Variants in EP400 observed in about 807,000 individuals in gnomAD.
EP400 encodes the protein E1A-binding protein p400.
A neutral mutation model predicts 354.1 loss-of-function variants in EP400; 105 were observed. That is an observed-to-expected ratio of 0.30 (90% CI 0.25 to 0.35). The LOEUF (loss-of-function observed/expected upper bound fraction) is 0.35, where lower values mean the gene tolerates loss of function less well. Among genes scored for constraint, EP400 ranks in the 10% least tolerant of loss-of-function variants. EP400 has a pLI of 1.00. For missense variants in EP400, 3,280 were observed against 4,121.0 expected, an observed-to-expected ratio of 0.80 and a Z score of 5.59; for synonymous variants, 1,646 against 1,716.9, an observed-to-expected ratio of 0.96 and a Z score of 1.02.
chr12:131,950,788 C>T (rs992534373), intron 1 of EP400, among the ~76,000 whole-genome samples: 1 of 152,242 alleles, frequency 6.6e-6, no homozygotes, highest in African/African-American at 2.4e-5. Flanking sequence ...GGGTCTCGCT[C>T]TGTTGCCCAG....
chr12:132,047,955 T>G (rs1418675515), intron 39 of EP400, among the ~76,000 whole-genome samples: 1 of 152,214 alleles, frequency 6.6e-6, no homozygotes, highest in African/African-American at 2.4e-5. Context: ...TTCAACGAAT[T>G]CAGCAATATT....
At position 131,990,231 on chromosome 12, in the gene EP400, C is replaced by T; in HGVS notation, c.2550+127C>T. The T allele has an allele frequency of 1.8e-6, 2 of 1,121,372 alleles. No homozygotes were observed. Among genetic ancestry groups the T allele is most frequent in the Non-Finnish European group, 2.5e-6 (2 of 788,110 alleles). 69.5% of individuals were successfully genotyped at this position (1,121,372 alleles called of 1,614,324 possible). A position where few individuals can be genotyped will look rare whatever the true frequency, so the allele number is the denominator to read the frequency against. On this transcript the variant is annotated intron_variant, in intron 8 of 52. Coordinates refer to ENST00000389561, the MANE Select transcript of EP400 (RefSeq NM_015409.5). The surrounding 1 kb of genome is among the most constrained non-coding windows in gnomAD (Gnocchi z 4.2). ...CGAGCACCAGAGTCAGCAACGTGTGCACTCTCCTGGGCTGTTGCTTGTTGG... is the reference window on the plus strand; with the variant it reads ...CGAGCACCAGAGTCAGCAACGTGTGTACTCTCCTGGGCTGTTGCTTGTTGG...
At position 132,069,501 on chromosome 12, in the gene EP400, G is replaced by A. The variant is rs189173886; in HGVS notation, c.8881G>A (p.Ala2961Thr). Residue 2961 changes from alanine (A) to threonine (T), a missense_variant, in exon 51 of 53, where the codon GCA (alanine) becomes ACA (threonine). Transcript: ENST00000389561. ...GPAAVQQKIT[A>T]QQITTPGAQQ... The stretch of plus-strand genomic sequence containing the variant: ...TTTCGCAGTCTCTCCCCAGATCACC[G>A]CACAGCAGATCACCACCCCTGGCGC... 4.3e-5 allele frequency: 70 copies of A among 1,614,092 alleles called. No homozygotes were observed. The highest frequency in any genetic ancestry group is 2.0e-4 in the East Asian group (9 of 44,886).
intron 43 of EP400, 60 bp downstream of exon 43, chr12:132,053,657 G>C (rs1165774548): frequency 1.4e-6 from 2 of 1,432,760 alleles, no homozygotes; most frequent in African/African-American, 2.9e-5. Flanking sequence ...ACCTGCACTT[G>C]ATTCAAGTGC....
chr12:131,970,532 A>G (rs1422421514), intron 2 of EP400, among the ~76,000 whole-genome samples: 1 of 152,218 alleles, frequency 6.6e-6, no homozygotes, highest in Admixed American at 6.5e-5. Flanking sequence ...GCAGCCCCAA[A>G]TTGGAAAGAA....
chr12:132,026,276 T>C (rs1269971087), intron 25 of EP400, among the ~76,000 whole-genome samples: 1 of 152,172 alleles, frequency 6.6e-6, no homozygotes, highest in Non-Finnish European at 1.5e-5. Flanking sequence ...TCTGTCATGA[T>C]GTGGTGTGTC....
Position 132,027,680 on chromosome 12 carries a change from A to G in EP400, c.5109+149A>G, listed in dbSNP as rs989839926. The G allele has an allele frequency of 1.5e-5, 11 of 725,932 alleles. No homozygotes were observed. The South Asian group carries it at 2.2e-4, about 15-fold the overall frequency. 45.0% of individuals were successfully genotyped at this position (725,932 alleles called of 1,614,324 possible). A position where few individuals can be genotyped will look rare whatever the true frequency, so the allele number is the denominator to read the frequency against. ...ATTTTAAAACACACATTTTCTAATA[A>G]AATAAATGAAACTGGACTTACGACT... On this transcript the variant is annotated intron_variant, in intron 26 of 52. Coordinates refer to ENST00000389561, the MANE Select transcript of EP400 (RefSeq NM_015409.5). This position sits in a 1 kb window ranked among gnomAD's most constrained non-coding sequence, Gnocchi z 4.9.
chr12:132,036,284 G>A (rs1486802060), intron 30 of EP400, among the ~76,000 whole-genome samples: 1 of 150,820 alleles, frequency 6.6e-6, no homozygotes, highest in African/African-American at 2.4e-5. Flanking sequence ...ACACACCCAG[G>A]TTCGCACGGA....
chr12:131,970,184 G>T (rs1383975487), intron 2 of EP400, among the ~76,000 whole-genome samples: 1 of 152,230 alleles, frequency 6.6e-6, no homozygotes, highest in African/African-American at 2.4e-5. Context: ...ACACTGATAA[G>T]TATCTGCATT....
intron 50 of EP400, chr12:132,068,640 G>A (rs577252511): frequency 6.6e-6 from 1 of 152,448 alleles, no homozygotes; most frequent in African/African-American, 2.4e-5. Flanking sequence ...GAGGCGCAGG[G>A]TGTCTGGGTA....
Position 131,989,949 on chromosome 12 carries a change from A to C in EP400, c.2410-15A>C, listed in dbSNP as rs189981514. Reference sequence around the variant, plus strand: ...ATAGAGTACAACATACAATTCTTGCACTTTTATTCACCAGCTCGTTAGAAC... The same window carrying C: ...ATAGAGTACAACATACAATTCTTGCCCTTTTATTCACCAGCTCGTTAGAAC... On this transcript the variant is annotated splice_polypyrimidine_tract_variant and intron_variant, in intron 7 of 52. Transcript: ENST00000389561. 8 of 1,612,640 alleles carry C rather than the reference A, an allele frequency of 5.0e-6. No individual in the cohort carries two copies. The East Asian group carries it at 1.8e-4, about 36-fold the overall frequency.
Position 131,995,800 on chromosome 12 carries a change from A to G in EP400, c.2827+844A>G, listed in dbSNP as rs569516659. 5.4e-5 allele frequency among the ~76,000 whole-genome samples: 8 copies of G among 147,342 alleles called. No individual in the cohort carries two copies. In the East Asian group the frequency reaches 1.2e-3, roughly 22 times the overall value. ...TTCATCTTGAGTGTGTGAGAACTTC[A>G]TGTGAACGAATCCCACCGCAGCTTG... On this transcript the variant is annotated intron_variant, in intron 12 of 52. Coordinates refer to ENST00000389561, the MANE Select transcript of EP400 (RefSeq NM_015409.5).
chr12:132,064,651 C>T lies in EP400; in HGVS notation c.8335-17C>T, dbSNP rs1895828070. The T allele has an allele frequency of 1.2e-6, 2 of 1,607,820 alleles. No homozygotes were observed. The highest frequency in any genetic ancestry group is 1.3e-5 in the African/African-American group (1 of 74,730). ...CACAGTTAATGTTGAAGAGAAGATA[C>T]TTTGCTTGTATTTTAGGAACACCTC... On this transcript the variant is annotated splice_polypyrimidine_tract_variant and intron_variant, in intron 47 of 52. Coordinates refer to ENST00000389561, the MANE Select transcript of EP400 (RefSeq NM_015409.5).
chr12:132,055,202 C>T lies in EP400; in HGVS notation c.7878C>T (p.Ala2626=). The part of the protein sequence containing the change: ...KRLASPVAPG[A]LTTPGGSAPA... Reference sequence around the variant, plus strand: ...TGGCGTCGCCAGTGGCTCCTGGGGCCTTGACTGTGAGTTGCGCTTCACCTG... The same window carrying T: ...TGGCGTCGCCAGTGGCTCCTGGGGCTTTGACTGTGAGTTGCGCTTCACCTG... Residue 2626 remains alanine (A), a synonymous_variant, in exon 45 of 53, where the codon GCC becomes GCT. Coordinates refer to ENST00000389561, the MANE Select transcript of EP400 (RefSeq NM_015409.5). The T allele has an allele frequency of 1.9e-6, 3 of 1,561,112 alleles. No individual in the cohort carries two copies. Among genetic ancestry groups the T allele is most frequent in the South Asian group, 1.2e-5 (1 of 85,826 alleles).
In EP400 at chr12:132,017,094, G is replaced by T. The variant is rs989835842; in HGVS notation, c.3924-441G>T. Reference sequence around the variant, plus strand: ...TGCCCCCTTCACTGGGTGGTAAGCCGCACAGGGCATGGACCTGGGTCCTCG... The same window carrying T: ...TGCCCCCTTCACTGGGTGGTAAGCCTCACAGGGCATGGACCTGGGTCCTCG... On this transcript the variant is annotated intron_variant, in intron 19 of 52. Transcript: ENST00000389561. The surrounding 1 kb of genome is among the most constrained non-coding windows in gnomAD (Gnocchi z 5.0). Among the ~76,000 whole-genome samples the T allele has an allele frequency of 6.6e-6, 1 of 152,214 alleles. No individual in the cohort carries two copies. Among genetic ancestry groups the T allele is most frequent in the African/African-American group, 2.4e-5 (1 of 41,460 alleles).
At position 132,073,918 on chromosome 12, in the gene EP400, G is replaced by GTTTT. The variant is rs1565937522; in HGVS notation, c.9022-2598_9022-2597insTTTT. ...ATTCCGGATTGGCATTGTTTTTTGG[G>GTTTT]GTTTTTTTTTTTTTTTTTTTTTTTT... On this transcript the variant is annotated intron_variant, in intron 51 of 52. Transcript: ENST00000389561. Among the ~76,000 whole-genome samples, 3 of 121,238 alleles carry GTTTT rather than the reference G, an allele frequency of 2.5e-5. No homozygotes were observed. The South Asian group carries it at 7.8e-4, about 32-fold the overall frequency. 79.5% of individuals were successfully genotyped at this position (121,238 alleles called of 152,430 possible). A position where few individuals can be genotyped will look rare whatever the true frequency, so the allele number is the denominator to read the frequency against.
Position 132,055,105 on chromosome 12 carries a change from T to A in EP400, c.7781T>A (p.Val2594Glu). ...VTGTSMPTGA[V>E]SGNVIVNTIA... Reference sequence around the variant, plus strand: ...TGCCCGCCTGTCTCCGCAGGTGCCGTGAGTGGAAATGTGATCGTGAACACC... The same window carrying A: ...TGCCCGCCTGTCTCCGCAGGTGCCGAGAGTGGAAATGTGATCGTGAACACC... The change falls in exon 45 of 53, where the codon GTG becomes GAG. Residue 2594 changes from valine (V) to glutamate (E), a missense_variant. Transcript: ENST00000389561. 1 of 1,613,614 alleles carries A rather than the reference T, an allele frequency of 6.2e-7. No homozygotes were observed. Among genetic ancestry groups the A allele is most frequent in the Non-Finnish European group, 8.5e-7 (1 of 1,179,776 alleles).
Position 132,013,063 on chromosome 12 carries a change from T to C in EP400, c.3496T>C (p.Phe1166Leu). 1.2e-6 allele frequency: 2 copies of C among 1,614,104 alleles called. No homozygotes were observed. Among genetic ancestry groups the C allele is most frequent in the Non-Finnish European group, 1.7e-6 (2 of 1,180,042 alleles). Residue 1166 changes from phenylalanine to leucine, a missense_variant, in exon 17 of 53, where the codon TTC becomes CTC. This residue lies in a region of EP400 where 242 missense variants were observed against 357.9 expected (regional missense o/e 0.68). Coordinates refer to ENST00000389561, the MANE Select transcript of EP400 (RefSeq NM_015409.5). This position sits in a 1 kb window ranked among gnomAD's most constrained non-coding sequence, Gnocchi z 4.5. ...CTGCATCACGTCCTACACTCAGTTCTTCCGGGGCCTCACCGCCTTCACACG... is the reference window on the plus strand; with the variant it reads ...CTGCATCACGTCCTACACTCAGTTCCTCCGGGGCCTCACCGCCTTCACACG... ...HVCITSYTQFFRGLTAFTRVR... is the reference protein window; with the variant it reads ...HVCITSYTQFLRGLTAFTRVR...
chr12:132,042,239 C>T (rs1191855896), intron 32 of EP400, among the ~76,000 whole-genome samples: 1 of 152,206 alleles, frequency 6.6e-6, no homozygotes, highest in Non-Finnish European at 1.5e-5. Flanking sequence ...GCATGAGCCA[C>T]CGTGCCCGGC....
Sources: allele counts gnomAD v4.1 joint callset (sites outside exome capture counted in the v4.1 genomes callset), GRCh38; gene constraint gnomAD v4.1.1; regional missense constraint gnomAD v4.1.1; non-coding constraint Gnocchi (gnomAD v3.1); transcripts MANE v1.5; gene names NCBI Gene and HGNC (gene_info 2026-07-23, HGNC 2026-07-21).